Variants in MME observed in about 807,000 individuals in gnomAD.
MME encodes the protein neprilysin.
In MME, 98 loss-of-function variants were observed where a neutral mutation model predicts 113.2. The observed-to-expected ratio is 0.87, with a 90% CI of 0.74 to 1.02. The LOEUF is 1.02. MME is among the 50% of genes least tolerant of loss of function. MME has a pLI of 0.00. For synonymous variants in MME, 292 were observed against 300.6 expected (o/e 0.97, Z 0.30); for missense variants, 836 against 896.0 (o/e 0.93, Z 0.86).
At chr3:155,140,834 C>A (rs1721021378) in intron 10 of MME, among the ~76,000 whole-genome samples, 1 of 152,120 alleles carries the variant, frequency 6.6e-6, no homozygotes. Flanking sequence ...GACAGTCACA[C>A]AATAAAAGCA....
At chr3:155,098,593 A>C (rs1243116890) in intron 3 of MME, among the ~76,000 whole-genome samples, 2 of 151,646 alleles carry the variant, frequency 1.3e-5, no homozygotes, top group African/African-American at 4.8e-5. Flanking sequence ...GAGAGTTTTC[A>C]GTGAAGTCGA....
intron 3 of MME, among the ~76,000 whole-genome samples, chr3:155,089,424 G>A (rs61762349): frequency 0.086 from 13,152 of 152,068 alleles, 1,298 homozygotes; most frequent in African/African-American, 0.24. Flanking sequence ...ATAATTCTTC[G>A]TTGTGGATGC....
At chr3:155,049,009 C>G (rs1207957424) in intron 1 of MME, among the ~76,000 whole-genome samples, 1 of 151,980 alleles carries the variant, frequency 6.6e-6, no homozygotes, top group Non-Finnish European at 1.5e-5. Context: ...GTTAAGCACC[C>G]CCAGTTTGGT....
At chr3:155,147,973 G>A (rs1001683225) in intron 15 of MME, among the ~76,000 whole-genome samples, 16 of 152,102 alleles carry the variant, frequency 1.1e-4, no homozygotes, top group African/African-American at 3.6e-4. Context: ...CAAGACCCAG[G>A]GGTCCTTATA....
At chr3:155,087,191 C>T (rs532015077) in intron 3 of MME, among the ~76,000 whole-genome samples, 21 of 151,012 alleles carry the variant, frequency 1.4e-4, no homozygotes, top group East Asian at 2.0e-4. Context: ...AAAAAAATGA[C>T]GGGAAAATAT....
In MME at chr3:155,088,214, A is replaced by G. The variant is rs548749378; in HGVS notation, c.196+3120A>G. On this transcript the variant is annotated intron_variant, in intron 3 of 22. Coordinates refer to ENST00000360490, the MANE Select transcript of MME (RefSeq NM_007289.4). Reference sequence around the variant, plus strand: ...CATAAACACACACACTCGTGCGCGCACACACACACACACACACAGTCTTCT... The same window carrying G: ...CATAAACACACACACTCGTGCGCGCGCACACACACACACACACAGTCTTCT... 1.1e-3 allele frequency among the ~76,000 whole-genome samples: 160 copies of G among 149,676 alleles called. 1 individual carries two copies. The highest frequency in any genetic ancestry group is 9.4e-3 in the East Asian group (48 of 5,130).
rs1046299832 is a variant in MME, at chr3:155,172,362, T to C, written c.2076+150T>C. The C allele has an allele frequency of 5.0e-6, 4 of 794,546 alleles. No homozygotes were observed. In the African/African-American group the frequency reaches 6.9e-5, roughly 14 times the overall value. 49.2% of individuals were successfully genotyped at this position (794,546 alleles called of 1,614,324 possible). On this transcript the variant is annotated intron_variant, in intron 21 of 22. Transcript: ENST00000360490. ...TTTATAATAGACTGTTGGATCATATTAATGATAAATAACTATGTTCCTGGT... is the reference window on the plus strand; with the variant it reads ...TTTATAATAGACTGTTGGATCATATCAATGATAAATAACTATGTTCCTGGT...
chr3:155,166,352 G>T (rs1378706244), intron 17 of MME, among the ~76,000 whole-genome samples: 1 of 152,106 alleles, frequency 6.6e-6, no homozygotes, highest in African/African-American at 2.4e-5. Flanking sequence ...AGTCATAAGT[G>T]CCTTGATGAA....
rs61760397 is a variant in MME at position 155,167,216 on chromosome 3, G to A, written c.1780+195G>A. ...AAATTCTCATAGTGAGTTAAGCAAT[G>A]TGTGCTTTACACTCTGGCAGAATGA... On this transcript the variant is annotated intron_variant, in intron 18 of 22. Transcript: ENST00000360490. Among the ~76,000 whole-genome samples the A allele has an allele frequency of 4.2e-3, 642 of 152,234 alleles. 3 individuals carry two copies. Among genetic ancestry groups the A allele is most frequent in the Non-Finnish European group, 7.0e-3 (475 of 68,020 alleles).
intron 10 of MME, among the ~76,000 whole-genome samples, chr3:155,141,659 A>G (rs1721098215): frequency 6.6e-6 from 1 of 152,168 alleles, no homozygotes; most frequent in African/African-American, 2.4e-5. Flanking sequence ...CCATTTTTGC[A>G]TAAACCAAAA....
At chr3:155,167,123 T>G (rs61760396) in intron 18 of MME, 102 bp downstream of exon 18, 8 of 1,422,686 alleles carry the variant, frequency 5.6e-6, no homozygotes, top group Non-Finnish European at 7.9e-6. Flanking sequence ...TATTCAAACA[T>G]GTATCATTTC....
At chr3:155,073,871 A>G (rs2108146539) in intron 1 of MME, among the ~76,000 whole-genome samples, 1 of 152,176 alleles carries the variant, frequency 6.6e-6, no homozygotes, top group Non-Finnish European at 1.5e-5. Flanking sequence ...AACGCAATTA[A>G]TTTTTTAATA....
At chr3:155,159,040 T>A (rs2108348260) in intron 16 of MME, 1 of 152,194 alleles carries the variant, frequency 6.6e-6, no homozygotes, top group East Asian at 1.9e-4. Flanking sequence ...AAATCCTTTA[T>A]ATAAAAAGTC....
intron 8 of MME, among the ~76,000 whole-genome samples, chr3:155,135,393 T>A (rs1720542392): frequency 6.6e-6 from 1 of 152,138 alleles, no homozygotes. Flanking sequence ...GAATAGGGAG[T>A]CCTTTCCCTG....
chr3:155,132,112 G>T (rs1257684340), intron 8 of MME, among the ~76,000 whole-genome samples: 1 of 152,130 alleles, frequency 6.6e-6, no homozygotes, highest in East Asian at 1.9e-4. Flanking sequence ...TAAAATCCCT[G>T]ATCCATAGGT....
intron 8 of MME, among the ~76,000 whole-genome samples, chr3:155,131,202 G>A (rs556446515): frequency 2.0e-5 from 3 of 152,160 alleles, no homozygotes; most frequent in Non-Finnish European, 2.9e-5. Context: ...GAAAGATAAC[G>A]ATGGACTCAG....
At chr3:155,108,801 G>A (rs930771872) in intron 3 of MME, among the ~76,000 whole-genome samples, 1 of 152,166 alleles carries the variant, frequency 6.6e-6, no homozygotes, top group South Asian at 2.1e-4. Flanking sequence ...TCCAGGGAAT[G>A]CACATATATA....
rs1717018709 is a variant in MME, at chr3:155,099,467, T to G, written c.196+14373T>G. Among the ~76,000 whole-genome samples the G allele has an allele frequency of 3.3e-5, 5 of 152,206 alleles. No individual in the cohort carries two copies. In the South Asian group the frequency reaches 1.0e-3, roughly 32 times the overall value. On this transcript the variant is annotated intron_variant, in intron 3 of 22. Transcript: ENST00000360490. ...CACCGTGAAGCTAATGAAAAGGGAG[T>G]TGGTCCACTGTGTAGACTAGACTAG...
chr3:155,065,965 G>A (rs1445177041), intron 1 of MME, among the ~76,000 whole-genome samples: 2 of 152,170 alleles, frequency 1.3e-5, no homozygotes, highest in Non-Finnish European at 2.9e-5. Context: ...GCCTTTCAGG[G>A]TGAATAGGAC....
Sources: allele counts gnomAD v4.1 joint callset (sites outside exome capture counted in the v4.1 genomes callset), GRCh38; gene constraint gnomAD v4.1.1; transcripts MANE v1.5; gene names NCBI Gene and HGNC (gene_info 2026-07-23, HGNC 2026-07-21).